The following MAST4 variants were observed in gnomAD, a reference collection of about 807,000 sequenced individuals.
The protein encoded by MAST4 is microtubule associated serine/threonine kinase family member 4, also known as microtubule-associated serine/threonine-protein kinase 4.
A neutral mutation model predicts 162.7 loss-of-function variants in MAST4; 89 were observed. The observed-to-expected ratio is 0.55, with a 90% CI of 0.46 to 0.65. MAST4 has a LOEUF of 0.65. Ranked by LOEUF, MAST4 falls within the 30% of genes least tolerant of loss-of-function variation. The pLI is 0.00. For missense variants in MAST4, 3,153 were observed against 3,374.0 expected, an observed-to-expected ratio of 0.93 and a Z score of 1.62; for synonymous variants, 1,479 against 1,361.1, an observed-to-expected ratio of 1.09 and a Z score of -1.91.
At chr5:67,027,265 AAAT>A in intron 4 of MAST4, among the ~76,000 whole-genome samples, 1 of 152,174 alleles carries the variant, frequency 6.6e-6, no homozygotes, top group Non-Finnish European at 1.5e-5. Flanking sequence ...TACAAAAAGA[AAAT>A]AAACTGTATC....
chr5:66,797,576 G>A (rs1009110712), intron 3 of MAST4, among the ~76,000 whole-genome samples: 15 of 152,154 alleles, frequency 9.9e-5, no homozygotes, highest in Admixed American at 6.5e-5. Context: ...GCGAAACGTG[G>A]TCTTGCTTTT....
chr5:66,932,904 A>G (rs1463413840), intron 4 of MAST4, among the ~76,000 whole-genome samples: 1 of 152,174 alleles, frequency 6.6e-6, no homozygotes, highest in Non-Finnish European at 1.5e-5. Flanking sequence ...TCAACAAAAC[A>G]TTGTGTTGGG....
intron 4 of MAST4, among the ~76,000 whole-genome samples, chr5:66,922,464 T>G (rs1169521100): frequency 6.6e-6 from 1 of 152,214 alleles, no homozygotes; most frequent in Non-Finnish European, 1.5e-5. Context: ...AGCGACACAT[T>G]GAATTTGGTC....
chr5:66,999,955 C>T (rs57771004), intron 4 of MAST4, among the ~76,000 whole-genome samples: 4,083 of 152,226 alleles, frequency 0.027, 162 homozygotes, highest in African/African-American at 0.08. Context: ...ATATTAGAAA[C>T]GCTTTCTTCA....
intron 3 of MAST4, among the ~76,000 whole-genome samples, chr5:66,858,521 A>G (rs1021475318): frequency 5.3e-5 from 8 of 152,130 alleles, no homozygotes; most frequent in African/African-American, 1.9e-4. Context: ...TCAGTTCTCT[A>G]CTTGCCCCAG....
chr5:67,164,558 G>A lies in MAST4; in HGVS notation c.5379G>A (p.Arg1793=). 1 of 1,614,004 alleles carries A rather than the reference G, an allele frequency of 6.2e-7. No homozygotes were observed. Among genetic ancestry groups the A allele is most frequent in the Non-Finnish European group, 8.5e-7 (1 of 1,179,898 alleles). ...CCTCCGAGTATAAGCTGGAAGGTAG[G>A]TCTGTCTCATGCCTGAAGCCGATCG... is the stretch of plus-strand genomic sequence containing the variant. ...KSPSEYKLEG[R]SVSCLKPIEG... The change falls in exon 29 of 29, where the codon AGG becomes AGA. Residue 1793 remains arginine (R), a synonymous_variant. Coordinates refer to ENST00000403625, the MANE Select transcript of MAST4 (RefSeq NM_001164664.2). The surrounding 1 kb of genome is among the most constrained non-coding windows in gnomAD (Gnocchi z 5.3).
At chr5:67,002,996 G>A (rs552377676) in intron 4 of MAST4, among the ~76,000 whole-genome samples, 2 of 150,348 alleles carry the variant, frequency 1.3e-5, no homozygotes, top group East Asian at 3.9e-4. Flanking sequence ...ATCCTCCAAT[G>A]CTCAAGAAAG....
At chr5:67,083,854 A>T (rs1762938750) in intron 5 of MAST4, among the ~76,000 whole-genome samples, 2 of 152,298 alleles carry the variant, frequency 1.3e-5, no homozygotes, top group Middle Eastern at 3.4e-3. Flanking sequence ...GTTGCTAGGA[A>T]GGTGAATTAC....
At chr5:66,849,675 T>G (rs1759160551) in intron 3 of MAST4, among the ~76,000 whole-genome samples, 1 of 152,198 alleles carries the variant, frequency 6.6e-6, no homozygotes, top group African/African-American at 2.4e-5. Flanking sequence ...TTCCACCCTG[T>G]GGGTCTGTAA....
chr5:67,112,661 G>A (rs1409832961), intron 11 of MAST4, among the ~76,000 whole-genome samples: 1 of 152,190 alleles, frequency 6.6e-6, no homozygotes, highest in Non-Finnish European at 1.5e-5. Context: ...GGTGAAGCAT[G>A]AGGAAAGGAG....
chr5:66,608,688 C>T (rs1163872922), intron 1 of MAST4, among the ~76,000 whole-genome samples: 1 of 151,688 alleles, frequency 6.6e-6, no homozygotes, highest in African/African-American at 2.4e-5. Context: ...CATTCAAATG[C>T]TCAGGCTTCT....
intron 3 of MAST4, among the ~76,000 whole-genome samples, chr5:66,888,055 A>G (rs1762151646): frequency 6.6e-6 from 1 of 152,150 alleles, no homozygotes; most frequent in Admixed American, 6.5e-5. Context: ...AAAAAAAAAA[A>G]TAAAAATAAA....
At chr5:67,021,396 A>G (rs887862301) in intron 4 of MAST4, among the ~76,000 whole-genome samples, 1 of 152,216 alleles carries the variant, frequency 6.6e-6, no homozygotes, top group Non-Finnish European at 1.5e-5. Flanking sequence ...CTCACTATAT[A>G]TTGCAAGGTG....
At chr5:66,759,914 C>T (rs1753758985) in intron 2 of MAST4, 52 bp downstream of exon 2, 3 of 1,593,522 alleles carry the variant, frequency 1.9e-6, no homozygotes, top group Non-Finnish European at 2.6e-6. Context: ...TTTACAAGGT[C>T]CTGCATGGCC....
At chr5:66,908,641 T>C (rs1763541974) in intron 4 of MAST4, among the ~76,000 whole-genome samples, 1 of 152,122 alleles carries the variant, frequency 6.6e-6, no homozygotes. Flanking sequence ...TAAAGTAGGA[T>C]TGGGGGAAAG....
intron 1 of MAST4, among the ~76,000 whole-genome samples, chr5:66,755,879 A>G (rs888970734): frequency 2.6e-5 from 4 of 152,230 alleles, no homozygotes; most frequent in African/African-American, 9.6e-5. Context: ...TGGCCAAGCC[A>G]CAATGTCATC....
intron 4 of MAST4, among the ~76,000 whole-genome samples, chr5:66,905,742 C>T (rs552308301): frequency 6.6e-6 from 1 of 152,114 alleles, no homozygotes; most frequent in Non-Finnish European, 1.5e-5. Flanking sequence ...GGTGCGATAG[C>T]TGGGTGGGTG....
rs533944975 is a variant in MAST4, at chr5:67,072,719, A to T, written c.764-17443A>T. Among the ~76,000 whole-genome samples, 31 of 152,342 alleles carry T rather than the reference A, an allele frequency of 2.0e-4. No homozygotes were observed. The South Asian group carries it at 6.0e-3, about 29-fold the overall frequency. ...ATGCTGTTGTATATTACCAACTATG[A>T]CAAGTAAGAAATGATAGTGGGAGAA... is the stretch of plus-strand genomic sequence containing the variant. On this transcript the variant is annotated intron_variant, in intron 5 of 28. Transcript: ENST00000403625.
chr5:67,136,435 T>G (rs931415529), intron 18 of MAST4, 128 bp from the exon 19 acceptor site: 3 of 625,458 alleles, frequency 4.8e-6, no homozygotes, highest in Non-Finnish European at 8.7e-6. Context: ...AGGCAGACTC[T>G]GATTTAGTAG....
Sources: allele counts gnomAD v4.1 joint callset (sites outside exome capture counted in the v4.1 genomes callset), GRCh38; gene constraint gnomAD v4.1.1; non-coding constraint Gnocchi (gnomAD v3.1); transcripts MANE v1.5; gene names NCBI Gene and HGNC (gene_info 2026-07-23, HGNC 2026-07-21).